Variants in DACH1 observed in about 807,000 individuals in gnomAD.
DACH1 encodes dachshund homolog 1.
In DACH1, 12 loss-of-function variants were observed where a neutral mutation model predicts 54.2. The observed-to-expected ratio is 0.22, with a 90% CI of 0.14 to 0.36. The LOEUF (loss-of-function observed/expected upper bound fraction) is 0.36. DACH1 is among the 10% of genes least tolerant of loss of function. The pLI, the probability that DACH1 is intolerant of heterozygous loss-of-function variation, is 1.00. For synonymous variants in DACH1, 386 were observed against 366.2 expected (o/e 1.05, Z -0.62); for missense variants, 805 against 929.8 (o/e 0.87, Z 1.75).
chr13:71,461,740 T>C (rs530513478), intron 10 of DACH1, among the ~76,000 whole-genome samples: 2 of 151,974 alleles, frequency 1.3e-5, no homozygotes, highest in East Asian at 3.9e-4. Flanking sequence ...TGTATATAAC[T>C]TCTCTGGAGA....
At chr13:71,693,312 T>G (rs1881624298) in intron 1 of DACH1, among the ~76,000 whole-genome samples, 1 of 138,262 alleles carries the variant, frequency 7.2e-6, no homozygotes, top group Non-Finnish European at 1.5e-5. Context: ...TTTTTTTTTT[T>G]TTTTTTTGAG....
At chr13:71,529,229 C>G (rs146496911) in intron 6 of DACH1, among the ~76,000 whole-genome samples, 3,858 of 141,756 alleles carry the variant, frequency 0.027, 178 homozygotes, top group African/African-American at 0.1. Flanking sequence ...CTGTGTCACC[C>G]AGCCTGGAGT....
At chr13:71,462,759 C>T (rs1158210165) in intron 10 of DACH1, among the ~76,000 whole-genome samples, 1 of 151,592 alleles carries the variant, frequency 6.6e-6, no homozygotes, top group African/African-American at 2.4e-5. Flanking sequence ...GATTAGGAAC[C>T]CAAAACATCA....
intron 3 of DACH1, among the ~76,000 whole-genome samples, chr13:71,587,123 A>T (rs920927287): frequency 7.2e-5 from 11 of 152,114 alleles, no homozygotes; most frequent in Non-Finnish European, 1.5e-4. Context: ...TATCCTAATG[A>T]ATAAATGAGT....
intron 2 of DACH1, among the ~76,000 whole-genome samples, chr13:71,638,739 A>C (rs1395848128): frequency 6.6e-6 from 1 of 152,164 alleles, no homozygotes; most frequent in Non-Finnish European, 1.5e-5. Context: ...GGATGTTAGC[A>C]AAAGAATTTT....
At chr13:71,459,936 G>A (rs1428908289) in intron 10 of DACH1, among the ~76,000 whole-genome samples, 1 of 151,890 alleles carries the variant, frequency 6.6e-6, no homozygotes, top group Non-Finnish European at 1.5e-5. Flanking sequence ...GAAAATCACT[G>A]GAAAGGTTTT....
chr13:71,649,716 T>A (rs184280595), intron 2 of DACH1, among the ~76,000 whole-genome samples: 5 of 152,310 alleles, frequency 3.3e-5, no homozygotes, highest in African/African-American at 9.6e-5. Flanking sequence ...ATCCACATTG[T>A]CATTACATTA....
At chr13:71,609,281 G>C (rs1328883105) in intron 3 of DACH1, among the ~76,000 whole-genome samples, 1 of 151,888 alleles carries the variant, frequency 6.6e-6, no homozygotes, top group East Asian at 1.9e-4. Flanking sequence ...CTCTTTTTGT[G>C]ACCATACGAA....
intron 1 of DACH1, among the ~76,000 whole-genome samples, chr13:71,761,648 T>G (rs1447318327): frequency 1.3e-5 from 2 of 152,164 alleles, no homozygotes; most frequent in Non-Finnish European, 2.9e-5. Context: ...CAGGGAAGCT[T>G]GTTAAATGCA....
chr13:71,655,324 C>T (rs1879017575), intron 2 of DACH1, among the ~76,000 whole-genome samples: 1 of 151,338 alleles, frequency 6.6e-6, no homozygotes, highest in Admixed American at 6.6e-5. Flanking sequence ...GCAAAACCTT[C>T]ATGAAAGCAT....
intron 2 of DACH1, among the ~76,000 whole-genome samples, chr13:71,642,667 T>C (rs1877994304): frequency 6.6e-6 from 1 of 152,166 alleles, no homozygotes. Flanking sequence ...ACTGCTGTTA[T>C]CTACAAACAT....
chr13:71,521,744 C>T (rs953245693), intron 6 of DACH1, among the ~76,000 whole-genome samples: 10 of 152,060 alleles, frequency 6.6e-5, no homozygotes, highest in East Asian at 3.9e-4. Context: ...AAATCGCCTA[C>T]GCGGTCAGCC....
At chr13:71,687,709 G>C (rs983775658) in intron 1 of DACH1, among the ~76,000 whole-genome samples, 3 of 152,108 alleles carry the variant, frequency 2.0e-5, no homozygotes, top group Non-Finnish European at 4.4e-5. Context: ...CTTGGGCTCA[G>C]GTGATCCTCC....
intron 1 of DACH1, among the ~76,000 whole-genome samples, chr13:71,735,149 G>T (rs1166445486): frequency 5.3e-5 from 8 of 150,560 alleles, no homozygotes; most frequent in Non-Finnish European, 7.4e-5. Flanking sequence ...CTCGTATATG[G>T]TTTATACATG....
chr13:71,787,754 A>G (rs978334157), intron 1 of DACH1, among the ~76,000 whole-genome samples: 1 of 152,126 alleles, frequency 6.6e-6, no homozygotes, highest in African/African-American at 2.4e-5. Flanking sequence ...TTCCCGGGCC[A>G]TAGTTTATCC....
At chr13:71,792,735 G>T (rs1458103392) in intron 1 of DACH1, among the ~76,000 whole-genome samples, 1 of 152,082 alleles carries the variant, frequency 6.6e-6, no homozygotes, top group Admixed American at 6.6e-5. Flanking sequence ...GCCATCATTC[G>T]ACTTTATCTA....
At chr13:71,841,136 T>G (rs1348368783) in intron 1 of DACH1, among the ~76,000 whole-genome samples, 2 of 152,154 alleles carry the variant, frequency 1.3e-5, no homozygotes, top group Non-Finnish European at 2.9e-5. Flanking sequence ...TCTAAAAAGT[T>G]TATAAATATT....
intron 1 of DACH1, among the ~76,000 whole-genome samples, chr13:71,841,338 A>G (rs1872829112): frequency 1.3e-5 from 2 of 152,140 alleles, no homozygotes. Context: ...AATTGACATA[A>G]TAATTGCACA....
intron 1 of DACH1, among the ~76,000 whole-genome samples, chr13:71,840,712 GATAAA>G (rs758670079): frequency 6.6e-6 from 1 of 152,138 alleles, no homozygotes; most frequent in Non-Finnish European, 1.5e-5. Context: ...TAAGAGAAGT[GATAAA>G]ATAAAAATAG....
Sources: gnomAD v4.1 joint callset for allele counts (sites outside exome capture counted in the v4.1 genomes callset) on GRCh38, gnomAD v4.1.1 for gene constraint, MANE v1.5 for transcripts, NCBI Gene and HGNC (gene_info 2026-07-23, HGNC 2026-07-21) for gene names.